Variants in PTPN23 observed in about 807,000 individuals in gnomAD.
PTPN23 encodes protein tyrosine phosphatase non-receptor type 23, also known as tyrosine-protein phosphatase non-receptor type 23.
Under a neutral mutation model 156.3 loss-of-function variants are expected in PTPN23, and 72 were observed. That is an observed-to-expected ratio of 0.46 (90% confidence interval 0.38 to 0.56). The LOEUF (loss-of-function observed/expected upper bound fraction) is 0.56, where lower values mean the gene tolerates loss of function less well. PTPN23 is among the 20% of genes least tolerant of loss of function. The probability of loss-of-function intolerance (pLI) is 0.00; values close to 1 mark genes in which losing one functional copy is unlikely to be tolerated. For synonymous variants in PTPN23, 957 were observed against 899.6 expected, an observed-to-expected ratio of 1.06 and a Z score of -1.14; for missense variants, 1,974 against 2,171.5, an observed-to-expected ratio of 0.91 and a Z score of 1.81.
At position 47,406,929 on chromosome 3, in the gene PTPN23, TGAGGAG is replaced by T. The variant is rs1705140337; in HGVS notation, c.807+181_807+186del. Reference sequence around the variant, plus strand: ...TGTGCAGCCCTCGTCCCTCGGGGTCTGAGGAGGTGGGGCAGGCTCCCTACAGAGCAG... The same window carrying T: ...TGTGCAGCCCTCGTCCCTCGGGGTCTGTGGGGCAGGCTCCCTACAGAGCAG... On this transcript the variant is annotated intron_variant, in intron 9 of 24. Transcript: ENST00000265562. This position sits in a 1 kb window ranked among gnomAD's most constrained non-coding sequence, Gnocchi z 5.8. Among the ~76,000 whole-genome samples the T allele has an allele frequency of 1.3e-5, 2 of 152,116 alleles. No individual in the cohort carries two copies. Among genetic ancestry groups the T allele is most frequent in the African/African-American group, 4.8e-5 (2 of 41,446 alleles).
intron 2 of PTPN23, among the ~76,000 whole-genome samples, chr3:47,400,050 A>G (rs1018797735): frequency 5.3e-5 from 8 of 152,202 alleles, no homozygotes; most frequent in African/African-American, 7.2e-5. Flanking sequence ...GCCTCAAGCA[A>G]TCCTCTGCCT....
chr3:47,408,131 G>GGGA (rs1046255100), intron 14 of PTPN23, among the ~76,000 whole-genome samples, 176 bp downstream of exon 14: 2 of 152,166 alleles, frequency 1.3e-5, no homozygotes, highest in Non-Finnish European at 2.9e-5. Flanking sequence ...GTCATGTCTT[G>GGGA]GGAGGAGGAG....
At chr3:47,412,443 G>T (rs2107728273) in intron 23 of PTPN23, 22 bp downstream of exon 23, 2 of 1,612,066 alleles carry the variant, frequency 1.2e-6, no homozygotes, top group South Asian at 1.1e-5. Flanking sequence ...GGCAGATGGG[G>T]CTGGGATGGG....
rs1385277393 is a variant in PTPN23, at chr3:47,410,745, C to T, written c.2947C>T (p.Leu983Phe). The change falls in exon 20 of 25, where the codon CTC becomes TTC. Residue 983 changes from leucine (L) to phenylalanine (F), a missense_variant. Transcript: ENST00000265562. ...GCCCCTTCCACTCCAGCATCCACAT[C>T]TCTTCCCACCCCAGGCCCCAGGACT... ...QQPLPLQHPH[L>F]FPPQAPGLLP... 7.0e-6 allele frequency: 11 copies of T among 1,563,970 alleles called. No individual in the cohort carries two copies. The highest frequency in any genetic ancestry group is 8.7e-6 in the Non-Finnish European group (10 of 1,152,930).
chr3:47,381,663 G>A (rs1372490717), intron 1 of PTPN23, among the ~76,000 whole-genome samples: 1 of 152,186 alleles, frequency 6.6e-6, no homozygotes. Context: ...GAGCCCCGGT[G>A]GCCCAGGGAG....
rs761624869 is a variant in PTPN23, at chr3:47,388,907, C to T, written c.85-7236C>T. ...CTCGAACTCCTGACCTCAGATGATC[C>T]ACCCGCCTTGGCCTCCCAAAGTGCT... is the stretch of plus-strand genomic sequence containing the variant. On this transcript the variant is annotated intron_variant, in intron 1 of 24. Transcript: ENST00000265562. Among the ~76,000 whole-genome samples the T allele has an allele frequency of 1.1e-4, 17 of 152,198 alleles. No individual in the cohort carries two copies. In the South Asian group the frequency reaches 1.2e-3, roughly 11 times the overall value.
chr3:47,412,737 T>TC lies in PTPN23; in HGVS notation c.4465dup (p.Leu1489ProfsTer66). 1 of 1,602,828 alleles carries TC rather than the reference T, an allele frequency of 6.2e-7. No homozygotes were observed. The highest frequency in any genetic ancestry group is 8.5e-7 in the Non-Finnish European group (1 of 1,172,394). On this transcript the variant is annotated frameshift_variant, in exon 25 of 25. Coordinates refer to ENST00000265562, the MANE Select transcript of PTPN23 (RefSeq NM_015466.4). LOFTEE classifies it high-confidence loss of function. The stretch of plus-strand genomic sequence containing the variant: ...CTTCCTCAGGACTCCCAGGACCTGG[T>TC]CCTCGGTGGGGATGTGCCCATCAGC...
chr3:47,399,859 C>G (rs911827843), intron 2 of PTPN23, among the ~76,000 whole-genome samples: 1 of 152,206 alleles, frequency 6.6e-6, no homozygotes, highest in African/African-American at 2.4e-5. Flanking sequence ...CACTCTGTCA[C>G]CCAGGCTGGG....
chr3:47,392,370 G>C (rs1018552245), intron 1 of PTPN23, among the ~76,000 whole-genome samples: 1 of 150,916 alleles, frequency 6.6e-6, no homozygotes, highest in African/African-American at 2.4e-5. Flanking sequence ...TTTTTTCGTA[G>C]AGATGGGGGT....
At chr3:47,397,424 GA>G (rs1704901999) in intron 2 of PTPN23, among the ~76,000 whole-genome samples, 4 of 152,162 alleles carry the variant, frequency 2.6e-5, no homozygotes. Context: ...TGTACTATTG[GA>G]TAACAACATG....
rs927201093 is a variant in PTPN23, at chr3:47,404,649, C to T, written c.160-3C>T. On this transcript the variant is annotated splice_polypyrimidine_tract_variant and splice_region_variant and intron_variant, in intron 2 of 24. Coordinates refer to ENST00000265562, the MANE Select transcript of PTPN23 (RefSeq NM_015466.4). ...GGCCTGCTTCTCCCATCCTGCCCCC[C>T]AGAATGCTGTCCGTGTCCCACGAGA... 6.2e-7 allele frequency: 1 copy of T among 1,613,530 alleles called. No individual in the cohort carries two copies.
chr3:47,405,799 G>T lies in PTPN23; in HGVS notation c.414+1G>T. 6.3e-7 allele frequency: 1 copy of T among 1,591,042 alleles called. No homozygotes were observed. Among genetic ancestry groups the T allele is most frequent in the Non-Finnish European group, 8.6e-7 (1 of 1,168,822 alleles). On this transcript the variant is annotated splice_donor_variant, in intron 5 of 24. Coordinates refer to ENST00000265562, the MANE Select transcript of PTPN23 (RefSeq NM_015466.4). LOFTEE classifies it high-confidence loss of function. The surrounding 1 kb of genome is among the most constrained non-coding windows in gnomAD (Gnocchi z 4.7). ...CATGGACAAGCGGGTGTCTGAGGAG[G>T]TGAGGAGAGGGGCAGTAGTGGAACA...
At chr3:47,381,329 C>A in intron 1 of PTPN23, 149 bp downstream of exon 1, 2 of 1,127,566 alleles carry the variant, frequency 1.8e-6, no homozygotes, top group Non-Finnish European at 2.5e-6. Flanking sequence ...TTTCCTCAGC[C>A]TGTCCCACAC....
chr3:47,381,446 C>A (rs1031065800), intron 1 of PTPN23, among the ~76,000 whole-genome samples: 1 of 152,198 alleles, frequency 6.6e-6, no homozygotes, highest in African/African-American at 2.4e-5. Flanking sequence ...TCCGCTGTTC[C>A]CACTGAGGCA....
chr3:47,398,819 C>G (rs1458106917), intron 2 of PTPN23, among the ~76,000 whole-genome samples: 2 of 152,224 alleles, frequency 1.3e-5, no homozygotes, highest in Non-Finnish European at 2.9e-5. Flanking sequence ...CTGGCCCCAG[C>G]CTCCCAAAGT....
intron 1 of PTPN23, among the ~76,000 whole-genome samples, chr3:47,387,108 G>A (rs1028204029): frequency 6.6e-6 from 1 of 152,190 alleles, no homozygotes; most frequent in East Asian, 1.9e-4. Flanking sequence ...TAGACAAGGG[G>A]AGGATGAAGG....
chr3:47,383,375 G>T (rs543125688), intron 1 of PTPN23, among the ~76,000 whole-genome samples: 51 of 152,234 alleles, frequency 3.4e-4, no homozygotes, highest in Admixed American at 8.5e-4. Flanking sequence ...TTTCTGCAGA[G>T]CCTTTCTTAA....
In PTPN23 at chr3:47,412,911, C is replaced by T. The variant is rs1425839756; in HGVS notation, c.4637C>T (p.Pro1546Leu). 4 of 1,603,058 alleles carry T rather than the reference C, an allele frequency of 2.5e-6. No homozygotes were observed. Among genetic ancestry groups the T allele is most frequent in the Non-Finnish European group, 2.6e-6 (3 of 1,172,686 alleles). Residue 1546 changes from proline (P) to leucine (L), a missense_variant, in exon 25 of 25, where the codon CCC (proline) becomes CTC (leucine). Around this residue, in one of 4 missense-constraint regions of PTPN23, gnomAD observed 484 missense variants for 516.0 expected, o/e 0.94. Transcript: ENST00000265562. Reference sequence around the variant, plus strand: ...ACCCCAATCCCATCTTCCTCCCCGCCCCCCCTTTCCTCCCCACTACCTGAG... The same window carrying T: ...ACCCCAATCCCATCTTCCTCCCCGCTCCCCCTTTCCTCCCCACTACCTGAG... ...ESTPIPSSSP[P>L]PLSSPLPEAP...
chr3:47,399,283 C>T (rs1320068510), intron 2 of PTPN23, among the ~76,000 whole-genome samples: 1 of 151,958 alleles, frequency 6.6e-6, no homozygotes, highest in Non-Finnish European at 1.5e-5. Flanking sequence ...TGAAATTGAC[C>T]AAAATTAATG....
Sources: gnomAD v4.1 joint callset for allele counts (sites outside exome capture counted in the v4.1 genomes callset) on GRCh38, gnomAD v4.1.1 for gene constraint, gnomAD v4.1.1 regional missense constraint, Gnocchi (gnomAD v3.1) non-coding constraint, MANE v1.5 for transcripts, NCBI Gene and HGNC (gene_info 2026-07-23, HGNC 2026-07-21) for gene names.